DDI2: variants seen among roughly 807,000 people sequenced by gnomAD.
DDI2 encodes the protein protein DDI1 homolog 2.
Under a neutral mutation model 48.1 loss-of-function variants are expected in DDI2, and 5 were observed. The ratio of observed to expected loss-of-function variants is 0.10; its 90% CI spans 0.05 to 0.22. DDI2 has a LOEUF of 0.22. Ranked by LOEUF, DDI2 falls within the 10% of genes least tolerant of loss-of-function variation. The probability of loss-of-function intolerance (pLI) is 1.00; values close to 1 mark genes in which losing one functional copy is unlikely to be tolerated. For missense variants in DDI2, 285 were observed against 506.2 expected, an observed-to-expected ratio of 0.56 and a Z score of 4.19; for synonymous variants, 205 against 183.6, an observed-to-expected ratio of 1.12 and a Z score of -0.94.
At chr1:15,624,330 T>C (rs966030659) in intron 1 of DDI2, among the ~76,000 whole-genome samples, 1 of 152,242 alleles carries the variant, frequency 6.6e-6, no homozygotes, top group African/African-American at 2.4e-5. Flanking sequence ...AGTTATAATA[T>C]GACTCTCAGT....
chr1:15,650,933 C>T (rs1361665560), intron 7 of DDI2, among the ~76,000 whole-genome samples: 12 of 152,292 alleles, frequency 7.9e-5, no homozygotes. Flanking sequence ...TGGCTAACTG[C>T]AAGCTTCGCC....
intron 2 of DDI2, 129 bp downstream of exon 2, chr1:15,626,927 T>C: frequency 1.7e-6 from 2 of 1,185,926 alleles, no homozygotes; most frequent in African/African-American, 3.1e-5. Context: ...GCCTTTTCCC[T>C]GCCGTGTAAC....
chr1:15,635,035 C>T (rs868234546), intron 4 of DDI2, among the ~76,000 whole-genome samples: 1 of 152,150 alleles, frequency 6.6e-6, no homozygotes, highest in African/African-American at 2.4e-5. Flanking sequence ...TGAGGCCAGC[C>T]TGGGCAGCAA....
intron 6 of DDI2, among the ~76,000 whole-genome samples, chr1:15,644,749 G>A (rs1262222010): frequency 1.5e-4 from 23 of 148,472 alleles, no homozygotes; most frequent in Non-Finnish European, 2.5e-4. Context: ...GCCCGCCACC[G>A]CACCCGGCTA....
At chr1:15,648,088 T>C (rs1640119074) in intron 6 of DDI2, among the ~76,000 whole-genome samples, 1 of 152,228 alleles carries the variant, frequency 6.6e-6, no homozygotes, top group Non-Finnish European at 1.5e-5. Context: ...TATGTCTGTT[T>C]ATTAGGGTCT....
intron 1 of DDI2, among the ~76,000 whole-genome samples, chr1:15,622,954 T>G (rs1184246302): frequency 1.3e-5 from 2 of 152,186 alleles, no homozygotes; most frequent in Admixed American, 1.3e-4. Flanking sequence ...GTCTAGTGTT[T>G]CCAGGAAATT....
chr1:15,621,294 A>G lies in DDI2; in HGVS notation c.138+3486A>G, dbSNP rs926704789. Among the ~76,000 whole-genome samples, 4 of 152,306 alleles carry G rather than the reference A, an allele frequency of 2.6e-5. No homozygotes were observed. The South Asian group carries it at 6.2e-4, about 24-fold the overall frequency. On this transcript the variant is annotated intron_variant, in intron 1 of 9. Coordinates refer to ENST00000480945, the MANE Select transcript of DDI2 (RefSeq NM_032341.5). ...CATATGGAAAAAGTAGGCACAACAT[A>G]CAAGGACCCTCAAATGAAAGGCAAA...
chr1:15,661,121 A>C lies in DDI2; in HGVS notation c.*1331A>C. 1 of 1,613,486 alleles carries C rather than the reference A, an allele frequency of 6.2e-7. No homozygotes were observed. The highest frequency in any genetic ancestry group is 1.3e-5 in the African/African-American group (1 of 75,006). On this transcript the variant is annotated 3_prime_UTR_variant, in exon 10 of 10. Coordinates refer to ENST00000480945, the MANE Select transcript of DDI2 (RefSeq NM_032341.5). The stretch of plus-strand genomic sequence containing the variant: ...CAGTGTCCACAAGTCTCCTTTCATC[A>C]GGCCATATCTGTATCAGTGGAGACA...
At chr1:15,650,332 A>T (rs192823840) in intron 7 of DDI2, among the ~76,000 whole-genome samples, 225 of 152,356 alleles carry the variant, frequency 1.5e-3, no homozygotes, top group African/African-American at 5.3e-3. Context: ...TTTGAGATAT[A>T]CTGCCGTCGT....
Position 15,660,738 on chromosome 1 carries a change from A to G in DDI2, c.*948A>G, listed in dbSNP as rs758803436. 1.2e-6 allele frequency: 2 copies of G among 1,613,894 alleles called. No homozygotes were observed. The highest frequency in any genetic ancestry group is 1.3e-5 in the African/African-American group (1 of 75,042). On this transcript the variant is annotated 3_prime_UTR_variant, in exon 10 of 10. Coordinates refer to ENST00000480945, the MANE Select transcript of DDI2 (RefSeq NM_032341.5). The stretch of plus-strand genomic sequence containing the variant: ...TAGATAATCCCTTGATGGAAGTAGA[A>G]ACATCAAAATGTAACCCTTCATCTG...
chr1:15,617,509 A>G lies in DDI2; in HGVS notation c.-162A>G. ...GGCCGTGCTTGCTAGTGAGGGCGGG[A>G]GGGAGTGACTCACTGAGCGTGTGTG... is the stretch of plus-strand genomic sequence containing the variant. On this transcript the variant is annotated 5_prime_UTR_variant, in exon 1 of 10. Transcript: ENST00000480945. The G allele has an allele frequency of 2.3e-6, 1 of 439,688 alleles. No homozygotes were observed. Among genetic ancestry groups the G allele is most frequent in the Non-Finnish European group, 3.6e-6 (1 of 274,354 alleles). 27.2% of individuals were successfully genotyped at this position (439,688 alleles called of 1,614,324 possible). A position where few individuals can be genotyped will look rare whatever the true frequency, so the allele number is the denominator to read the frequency against.
chr1:15,626,893 C>G (rs1324420295), intron 2 of DDI2, 95 bp downstream of exon 2: 1 of 1,446,826 alleles, frequency 6.9e-7, no homozygotes, highest in Non-Finnish European at 9.5e-7. Flanking sequence ...TGGATTCAGA[C>G]TACAGAATAC....
At position 15,632,298 on chromosome 1, in the gene DDI2, C is replaced by T. The variant is rs546907861; in HGVS notation, c.506-1141C>T. On this transcript the variant is annotated intron_variant, in intron 3 of 9. Transcript: ENST00000480945. ...CCATTTAAGAAATTGCAAAATAGGCCGGGCACGGTGGATCACCTGAGGTCA... is the reference window on the plus strand; with the variant it reads ...CCATTTAAGAAATTGCAAAATAGGCTGGGCACGGTGGATCACCTGAGGTCA... Among the ~76,000 whole-genome samples, 17 of 151,892 alleles carry T rather than the reference C, an allele frequency of 1.1e-4. No homozygotes were observed. The South Asian group carries it at 1.9e-3, about 17-fold the overall frequency.
Position 15,667,535 on chromosome 1 carries a change from C to G in DDI2, c.*7745C>G, listed in dbSNP as rs1640473125. The G allele has an allele frequency of 6.6e-6, 1 of 152,190 alleles. No individual in the cohort carries two copies. Among genetic ancestry groups the G allele is most frequent in the African/African-American group, 2.4e-5 (1 of 41,434 alleles). The allele number at this position is 152,190 out of a possible 1,614,324, so 9.4% of individuals were successfully genotyped here. ...TTAGCAGAGGGTTCTGCAGGATGTG[C>G]TATTTTAAAGCAGCTGGGTGCAACT... On this transcript the variant is annotated 3_prime_UTR_variant, in exon 10 of 10. Transcript: ENST00000480945.
intron 4 of DDI2, chr1:15,633,831 A>G (rs1374721183): frequency 2.1e-6 from 1 of 483,686 alleles, no homozygotes; most frequent in Non-Finnish European, 4.0e-6. Flanking sequence ...GAGCATCATA[A>G]CACAGCTTTA....
Position 15,654,877 on chromosome 1 carries a change from A to G in DDI2, c.1184-1740A>G, listed in dbSNP as rs72876740. Among the ~76,000 whole-genome samples the G allele has an allele frequency of 5.9e-3, 894 of 151,734 alleles. 9 individuals carry two copies. Among genetic ancestry groups the G allele is most frequent in the African/African-American group, 0.02 (841 of 41,330 alleles). On this transcript the variant is annotated intron_variant, in intron 8 of 9. Transcript: ENST00000480945. ...AGGTTTTGCATTTGGGGTGTAATTT[A>G]TCATCTTAGTCGTGATGCTGTGTGT...
chr1:15,626,875 A>T (rs1188513549), intron 2 of DDI2, 77 bp downstream of exon 2: 1 of 1,577,066 alleles, frequency 6.3e-7, no homozygotes, highest in Admixed American at 1.7e-5. Context: ...AGAGTTTTGG[A>T]TTCGCTTTGG....
intron 1 of DDI2, 24 bp from the exon 2 acceptor site, chr1:15,626,645 G>GT: frequency 6.2e-7 from 1 of 1,614,096 alleles, no homozygotes; most frequent in Non-Finnish European, 8.5e-7. Context: ...GCTTTATACT[G>GT]TTGTATATCT....
At chr1:15,655,235 A>G (rs143661503) in intron 8 of DDI2, among the ~76,000 whole-genome samples, 284 of 152,324 alleles carry the variant, frequency 1.9e-3, no homozygotes, top group African/African-American at 6.6e-3. Context: ...AAATAATTCT[A>G]CATATCAGGT....
Sources: allele counts gnomAD v4.1 joint callset (sites outside exome capture counted in the v4.1 genomes callset), GRCh38; gene constraint gnomAD v4.1.1; transcripts MANE v1.5; gene names NCBI Gene and HGNC (gene_info 2026-07-23, HGNC 2026-07-21).